Variants in MICAL2 observed in about 807,000 individuals in gnomAD.
The protein encoded by MICAL2 is microtubule associated monooxygenase, calponin and LIM domain containing 2.
A neutral mutation model predicts 127.3 loss-of-function variants in MICAL2; 77 were observed. That is an observed-to-expected ratio of 0.60 (90% CI 0.50 to 0.73). The LOEUF is 0.73. Among genes scored for constraint, MICAL2 ranks in the 30% least tolerant of loss-of-function variants. MICAL2 has a pLI of 0.00. For missense variants in MICAL2, 1,351 were observed against 1,434.4 expected (o/e 0.94, Z 0.94); for synonymous variants, 570 against 551.1 (o/e 1.03, Z -0.48).
rs79892118 is a variant in MICAL2, at chr11:12,350,021, G to A, written c.5615+84G>A. 1,235 of 1,090,114 alleles carry A rather than the reference G, an allele frequency of 1.1e-3. 13 individuals carry two copies. In the African/African-American group the frequency reaches 0.016, roughly 14 times the overall value. The allele number at this position is 1,090,114 out of a possible 1,614,324, so 67.5% of individuals were successfully genotyped here. On this transcript the variant is annotated intron_variant, in intron 33 of 34. Coordinates refer to the MICAL2 transcript ENST00000646065. ...GCTTACCCTCCTAGGCCGAAGTCTC[G>A]GGACTTTTTCTCCTTGTGCATACAG...
At position 12,239,498 on chromosome 11, in the gene MICAL2, T is replaced by C; in HGVS notation, c.2127T>C (p.Gly709=). The change falls in exon 17 of 28, where the codon GGT becomes GGC. Residue 709 remains glycine, a synonymous_variant. Coordinates refer to ENST00000683283, the MANE Select transcript of MICAL2 (RefSeq NM_001282663.2). ...SNQECGSSKE[G]GNQNKVKSMA... ...AAGAGTGTGGGAGCAGTAAGGAAGGTGGAAATCAGAACAAAGTCAAGTCCA... is the reference window on the plus strand; with the variant it reads ...AAGAGTGTGGGAGCAGTAAGGAAGGCGGAAATCAGAACAAAGTCAAGTCCA... 6.2e-7 allele frequency: 1 copy of C among 1,614,086 alleles called. No individual in the cohort carries two copies. The highest frequency in any genetic ancestry group is 8.5e-7 in the Non-Finnish European group (1 of 1,180,032).
At chr11:12,351,637 C>G (rs748966160) in intron 33 of MICAL2, among the ~76,000 whole-genome samples, 32 of 152,016 alleles carry the variant, frequency 2.1e-4, no homozygotes, top group Non-Finnish European at 4.6e-4. Context: ...TCTATTTTTC[C>G]CAAATTTACC....
chr11:12,239,103 T>A (rs1413319115), intron 16 of MICAL2, among the ~76,000 whole-genome samples: 1 of 152,236 alleles, frequency 6.6e-6, no homozygotes, highest in East Asian at 1.9e-4. Context: ...GCAGTAATCA[T>A]GTGAAGTAGA....
intron 29 of MICAL2, among the ~76,000 whole-genome samples, chr11:12,319,005 C>A (rs901475604): frequency 6.6e-6 from 1 of 152,084 alleles, no homozygotes; most frequent in East Asian, 1.9e-4. Flanking sequence ...ATCACCACTT[C>A]GATGATGTGA....
At chr11:12,171,168 A>C (rs1856209415) in intron 3 of MICAL2, among the ~76,000 whole-genome samples, 1 of 152,192 alleles carries the variant, frequency 6.6e-6, no homozygotes, top group Admixed American at 6.5e-5. Flanking sequence ...AGCTTTCAAA[A>C]GAGACGGGAA....
At chr11:12,351,023 T>G (rs187770651) in intron 33 of MICAL2, among the ~76,000 whole-genome samples, 237 of 152,368 alleles carry the variant, frequency 1.6e-3, no homozygotes, top group African/African-American at 5.5e-3. Context: ...CCTGTGTGTC[T>G]GTGTCTTCTC....
intron 14 of MICAL2, among the ~76,000 whole-genome samples, chr11:12,226,737 C>G (rs1241783800): frequency 1.3e-4 from 19 of 148,706 alleles, no homozygotes; most frequent in South Asian, 2.1e-4. Flanking sequence ...ACTGCAAGCT[C>G]TGCCTCCTGG....
intron 20 of MICAL2, among the ~76,000 whole-genome samples, chr11:12,243,616 A>C (rs1860278908): frequency 6.6e-6 from 1 of 152,212 alleles, no homozygotes; most frequent in African/African-American, 2.4e-5. Flanking sequence ...TGCTGTGGCC[A>C]CCTGCCCTAA....
intron 5 of MICAL2, 46 bp downstream of exon 5, chr11:12,208,185 A>G: frequency 6.9e-7 from 1 of 1,440,046 alleles, no homozygotes; most frequent in Non-Finnish European, 9.8e-7. Flanking sequence ...GATACTACAA[A>G]ATAGAAATTC....
intron 31 of MICAL2, chr11:12,327,074 G>A (rs1864361150): frequency 9.7e-7 from 1 of 1,030,520 alleles, no homozygotes; most frequent in African/African-American, 1.6e-5. Context: ...CATCACAAGT[G>A]AAAGGGCCTC....
chr11:12,240,219 G>A (rs1305415476), intron 17 of MICAL2, among the ~76,000 whole-genome samples: 3 of 152,172 alleles, frequency 2.0e-5, no homozygotes. Context: ...GGCTGGAGGA[G>A]GCAGAATGCT....
chr11:12,354,559 A>C (rs1040281000), intron 33 of MICAL2, among the ~76,000 whole-genome samples: 3 of 151,962 alleles, frequency 2.0e-5, no homozygotes, highest in African/African-American at 7.3e-5. Flanking sequence ...AATCACTTGG[A>C]CCTGGGGGGC....
intron 7 of MICAL2, among the ~76,000 whole-genome samples, chr11:12,214,808 T>G (rs1438090521): frequency 6.6e-6 from 1 of 151,234 alleles, no homozygotes; most frequent in Non-Finnish European, 1.5e-5. Flanking sequence ...CCAGAAATAT[T>G]TCCTAGCTGG....
At chr11:12,239,806 A>G (rs1859616002) in intron 17 of MICAL2, among the ~76,000 whole-genome samples, 1 of 152,260 alleles carries the variant, frequency 6.6e-6, no homozygotes, top group Non-Finnish European at 1.5e-5. Flanking sequence ...CTGCCATTGT[A>G]GTATGAAAGC....
intron 34 of MICAL2, among the ~76,000 whole-genome samples, chr11:12,357,233 C>T (rs768178682): frequency 5.3e-5 from 8 of 152,184 alleles, no homozygotes; most frequent in Non-Finnish European, 1.0e-4. Flanking sequence ...CACAGGGGCT[C>T]TAGGAATTTA....
At chr11:12,203,121 T>C (rs1300780884) in intron 3 of MICAL2, among the ~76,000 whole-genome samples, 2 of 152,262 alleles carry the variant, frequency 1.3e-5, no homozygotes, top group Admixed American at 1.3e-4. Flanking sequence ...GGCTGAATAA[T>C]ATTCCATTGT....
In MICAL2 at chr11:12,204,321, G is replaced by A. The variant is rs963551368; in HGVS notation, c.336G>A (p.Val112=). The part of the protein sequence containing the change: ...AIELAYLGAK[V]VVVEKRDSFS... ...AACTTGCCTACCTGGGAGCCAAAGT[G>A]GTCGTGGTGGAGAAGAGGGACTCCT... Residue 112 remains valine (V), a synonymous_variant, in exon 4 of 28, where the codon GTG becomes GTA. Transcript: ENST00000683283. 2.5e-6 allele frequency: 4 copies of A among 1,614,186 alleles called. No individual in the cohort carries two copies. Among genetic ancestry groups the A allele is most frequent in the Non-Finnish European group, 3.4e-6 (4 of 1,180,028 alleles).
intron 29 of MICAL2, among the ~76,000 whole-genome samples, chr11:12,309,603 T>A (rs1393543261): frequency 2.6e-5 from 4 of 152,184 alleles, no homozygotes; most frequent in African/African-American, 7.2e-5. Context: ...AGGCTGATGC[T>A]GTATCTTGGC....
intron 1 of MICAL2, among the ~76,000 whole-genome samples, chr11:12,113,556 C>T (rs1849764937): frequency 6.6e-6 from 1 of 152,222 alleles, no homozygotes; most frequent in South Asian, 2.1e-4. Context: ...CTCCCTTATC[C>T]GCGGTTTCAC....
Sources: gnomAD v4.1 joint callset for allele counts (sites outside exome capture counted in the v4.1 genomes callset) on GRCh38, gnomAD v4.1.1 for gene constraint, MANE v1.5 for transcripts, NCBI Gene and HGNC (gene_info 2026-07-23, HGNC 2026-07-21) for gene names.